Variants in SALL2 observed in about 807,000 individuals in gnomAD.
The protein encoded by SALL2 is spalt like transcription factor 2.
Under a neutral mutation model 58.5 loss-of-function variants are expected in SALL2, and 32 were observed. The ratio of observed to expected loss-of-function variants is 0.55; its 90% confidence interval spans 0.41 to 0.74. The LOEUF (loss-of-function observed/expected upper bound fraction) is 0.74, where lower values mean the gene tolerates loss of function less well. SALL2 is among the 30% of genes least tolerant of loss of function. SALL2 has a pLI of 0.00. For missense variants in SALL2, 1,201 were observed against 1,268.9 expected (o/e 0.95, Z 0.81); for synonymous variants, 516 against 513.6 (o/e 1.00, Z -0.06).
Position 21,524,655 on chromosome 14 carries a change from C to G in SALL2, c.1067G>C (p.Ser356Thr), listed in dbSNP as rs747538273. The change falls in exon 2 of 2, where the codon AGC (serine) becomes ACC (threonine). Residue 356 changes from serine (S) to threonine (T), a missense_variant. Coordinates refer to ENST00000537235, the MANE Select transcript of SALL2 (RefSeq NM_001364564.1). ...LKPKNGSGEL[S>T]YGEVMGPLEK... The stretch of plus-strand genomic sequence containing the variant: ...CAAGGGACCCATCACTTCTCCGTAG[C>G]TCAGCTCACCACTTCCATTCTTTGG... 6.2e-7 allele frequency: 1 copy of G among 1,614,134 alleles called. No individual in the cohort carries two copies. Among genetic ancestry groups the G allele is most frequent in the South Asian group, 1.1e-5 (1 of 91,080 alleles).
At chr14:21,530,195 G>A (rs1211382537), upstream of SALL2, among the ~76,000 whole-genome samples, 1 of 150,710 alleles carries the variant, frequency 6.6e-6, no homozygotes, top group African/African-American at 2.4e-5. Context: ...TTAAGTGATT[G>A]CATTTCTTTC....
chr14:21,530,480 G>T (rs536676933), upstream of SALL2, among the ~76,000 whole-genome samples: 1 of 151,986 alleles, frequency 6.6e-6, no homozygotes, highest in South Asian at 2.1e-4. Context: ...TAGAGATGGG[G>T]TTTCTCCATG....
chr14:21,535,580 G>A (rs1015732995), intron 1 of SALL2, among the ~76,000 whole-genome samples: 3 of 152,132 alleles, frequency 2.0e-5, no homozygotes, highest in Non-Finnish European at 1.5e-5. Flanking sequence ...AACCTAATGA[G>A]GTAGCTAGTA....
At chr14:21,537,012 C>T (rs775062938) in exon 1 of SALL2, 100 of 988,150 alleles carry the variant, frequency 1.0e-4, no homozygotes, top group Non-Finnish European at 1.6e-4. Flanking sequence ...GGTCCGAAGC[C>T]AATTGATGCC....
At chr14:21,532,237 T>C (rs1892484329) in intron 1 of SALL2, among the ~76,000 whole-genome samples, 2 of 152,130 alleles carry the variant, frequency 1.3e-5, no homozygotes, top group Non-Finnish European at 2.9e-5. Flanking sequence ...ACCCAAACAT[T>C]ATATGAGTCC....
At chr14:21,526,996 A>G (rs1404331031), upstream of SALL2, among the ~76,000 whole-genome samples, 2 of 151,980 alleles carry the variant, frequency 1.3e-5, no homozygotes, top group African/African-American at 4.8e-5. Context: ...AGCTGAATGC[A>G]GGTTACTCCG....
rs747794968 is a variant in SALL2, at chr14:21,525,432, G to C, written c.290C>G (p.Pro97Arg). The C allele has an allele frequency of 1.2e-6, 2 of 1,613,840 alleles. No homozygotes were observed. The highest frequency in any genetic ancestry group is 4.5e-5 in the East Asian group (2 of 44,872). Residue 97 changes from proline to arginine, a missense_variant, in exon 2 of 2, where the codon CCC becomes CGC. By Grantham distance (103) the Pro-to-Arg change is moderately radical. Coordinates refer to ENST00000537235, the MANE Select transcript of SALL2 (RefSeq NM_001364564.1). This position sits in a 1 kb window ranked among gnomAD's most constrained non-coding sequence, Gnocchi z 4.4. ...GGGCACGGAGGACCCAGAATCTGGG[G>C]GGTTGCTATGCTCTGTGTCCATGAC... ...PQVMDTEHSN[P>R]PDSGSSVPTD...
intron 1 of SALL2, among the ~76,000 whole-genome samples, chr14:21,535,120 C>A (rs939834564): frequency 3.3e-5 from 5 of 151,958 alleles, no homozygotes; most frequent in Non-Finnish European, 7.4e-5. Flanking sequence ...CCAAGGCGGG[C>A]AGATTACGAG....
chr14:21,536,796 C>A, intron 1 of SALL2: 1 of 1,518,396 alleles, frequency 6.6e-7, no homozygotes. Flanking sequence ...TTGCCCTGGC[C>A]TGACCCACAC....
rs144993710 is a variant in SALL2, at chr14:21,523,923, T to C, written c.1799A>G (p.Gln600Arg). Reference sequence around the variant, plus strand: ...AGCTGAGGTCACCGCCACAGCTCCTTGCCGGTCAATCTTTTCTACCAGTTG... The same window carrying C: ...AGCTGAGGTCACCGCCACAGCTCCTCGCCGGTCAATCTTTTCTACCAGTTG... The part of the protein sequence containing the change: ...LQQLVEKIDR[Q>R]GAVAVTSAAS... Residue 600 changes from glutamine (Q) to arginine (R), a missense_variant, in exon 2 of 2, where the codon CAA (glutamine) becomes CGA (arginine). Gln to Arg is a conservative substitution (Grantham distance 43, BLOSUM62 1). Transcript: ENST00000537235. The surrounding 1 kb of genome is among the most constrained non-coding windows in gnomAD (Gnocchi z 4.4). 408 of 1,614,188 alleles carry C rather than the reference T, an allele frequency of 2.5e-4. 2 individuals are homozygous for C. In the African/African-American group the frequency reaches 4.5e-3, roughly 18 times the overall value.
At chr14:21,526,436 C>T, upstream of SALL2, 3 of 1,048,922 alleles carry the variant, frequency 2.9e-6, no homozygotes, top group South Asian at 2.6e-5. Context: ...GGAGCGCTAG[C>T]GGGGGCGTGG....
intron 1 of SALL2, among the ~76,000 whole-genome samples, chr14:21,532,102 G>T (rs1450946503): frequency 2.0e-5 from 3 of 152,132 alleles, no homozygotes; most frequent in African/African-American, 7.2e-5. Flanking sequence ...CAACATGAAT[G>T]AACTTTGTAA....
upstream of SALL2, among the ~76,000 whole-genome samples, chr14:21,530,623 C>A (rs1181420543): frequency 2.0e-5 from 3 of 152,112 alleles, no homozygotes; most frequent in African/African-American, 7.2e-5. Flanking sequence ...AGGCTTTGTT[C>A]TACAGAGTTC....
Position 21,523,357 on chromosome 14 carries a change from C to A in SALL2, c.2365G>T (p.Gly789Ter). ...DSLAGRGSES[G>*]GEKAISVRGD... Reference sequence around the variant, plus strand: ...CTCACTGATATTGCCTTCTCACCTCCACTCTCTGAGCCTCTCCCTGCCAGG... The same window carrying A: ...CTCACTGATATTGCCTTCTCACCTCAACTCTCTGAGCCTCTCCCTGCCAGG... The change falls in exon 2 of 2, where the codon GGA becomes TGA. Residue 789 changes from glycine (G) to a stop codon, truncating the protein, a stop_gained. Transcript: ENST00000537235. LOFTEE classifies it high-confidence loss of function. The surrounding 1 kb of genome is among the most constrained non-coding windows in gnomAD (Gnocchi z 4.4). 6.2e-7 allele frequency: 1 copy of A among 1,613,662 alleles called. No individual in the cohort carries two copies. The highest frequency in any genetic ancestry group is 1.1e-5 in the South Asian group (1 of 91,086).
In SALL2 at chr14:21,523,155, C is replaced by T. The variant is rs758161631; in HGVS notation, c.2567G>A (p.Gly856Asp). 6.2e-7 allele frequency: 1 copy of T among 1,614,198 alleles called. No individual in the cohort carries two copies. The highest frequency in any genetic ancestry group is 8.5e-7 in the Non-Finnish European group (1 of 1,180,024). The change falls in exon 2 of 2, where the codon GGT becomes GAT. Residue 856 changes from glycine to aspartate, a missense_variant. Gly to Asp is a moderately conservative substitution (Grantham distance 94). Coordinates refer to ENST00000537235, the MANE Select transcript of SALL2 (RefSeq NM_001364564.1). This position sits in a 1 kb window ranked among gnomAD's most constrained non-coding sequence, Gnocchi z 4.4. ...CCCCTCTTCCTTGCCTCCTAAAACACCACTGCTTCCCTGCTCCATTGGCTG... is the reference window on the plus strand; with the variant it reads ...CCCCTCTTCCTTGCCTCCTAAAACATCACTGCTTCCCTGCTCCATTGGCTG... ...QPQPMEQGSS[G>D]VLGGKEEGGK...
intron 1 of SALL2, among the ~76,000 whole-genome samples, chr14:21,531,709 C>CTTT (rs199554935): frequency 0.026 from 3,670 of 138,524 alleles, 268 homozygotes; most frequent in African/African-American, 0.095. Flanking sequence ...GCCTGGCCAG[C>CTTT]CTTTTTTTTT....
rs1892258672 is a variant in SALL2, at chr14:21,525,457, C to A, written c.265G>T (p.Val89Phe). 1 of 1,613,780 alleles carries A rather than the reference C, an allele frequency of 6.2e-7. No homozygotes were observed. Residue 89 changes from valine (V) to phenylalanine (F), a missense_variant, in exon 2 of 2, where the codon GTC becomes TTC. Around this residue, in one of 3 missense-constraint regions of SALL2, gnomAD observed 467 missense variants for 468.9 expected, o/e 1.00. Transcript: ENST00000537235. This position sits in a 1 kb window ranked among gnomAD's most constrained non-coding sequence, Gnocchi z 4.4. ...PRPEGHNNPQ[V>F]MDTEHSNPPD... ...GGGTTGCTATGCTCTGTGTCCATGA[C>A]CTGAGGATTATTGTGACCCTCAGGC...
At chr14:21,533,185 T>G (rs950440093) in intron 1 of SALL2, among the ~76,000 whole-genome samples, 1 of 152,108 alleles carries the variant, frequency 6.6e-6, no homozygotes, top group African/African-American at 2.4e-5. Context: ...CACACTAGAT[T>G]GAAAACCAAG....
chr14:21,529,517 T>A (rs1566516435), upstream of SALL2, among the ~76,000 whole-genome samples: 1 of 152,094 alleles, frequency 6.6e-6, no homozygotes, highest in Admixed American at 6.6e-5. Context: ...AAGAGAGTTT[T>A]AAAATTTTTA....
Sources: gnomAD v4.1 joint callset for allele counts (sites outside exome capture counted in the v4.1 genomes callset) on GRCh38, gnomAD v4.1.1 for gene constraint, gnomAD v4.1.1 regional missense constraint, Gnocchi (gnomAD v3.1) non-coding constraint, MANE v1.5 for transcripts, NCBI Gene and HGNC (gene_info 2026-07-23, HGNC 2026-07-21) for gene names.